The following SRFBP1 variants were observed in gnomAD, a reference collection of about 807,000 sequenced individuals.
SRFBP1 encodes the protein serum response factor-binding protein 1.
SRFBP1 carries 47 observed loss-of-function variants against 45.5 expected under a neutral mutation model. The ratio of observed to expected loss-of-function variants is 1.03; its 90% CI spans 0.82 to 1.32. The LOEUF is 1.32. SRFBP1 is among the 40% of genes most tolerant of loss of function. The pLI, the probability that SRFBP1 is intolerant of heterozygous loss-of-function variation, is 0.00. For synonymous variants in SRFBP1, 203 were observed against 166.3 expected, an observed-to-expected ratio of 1.22 and a Z score of -1.70; for missense variants, 621 against 484.6, an observed-to-expected ratio of 1.28 and a Z score of -2.64.
chr5:122,041,368 A>G (rs1344104864), intron 2 of SRFBP1, among the ~76,000 whole-genome samples: 1 of 152,156 alleles, frequency 6.6e-6, no homozygotes, highest in African/African-American at 2.4e-5. Flanking sequence ...AGCAATCAGT[A>G]TAGGTATTTG....
chr5:122,008,862 A>G (rs928282078), intron 4 of SRFBP1, among the ~76,000 whole-genome samples: 8 of 152,218 alleles, frequency 5.3e-5, no homozygotes, highest in African/African-American at 1.9e-4. Flanking sequence ...ATAAAATATT[A>G]TAATAAAATA....
intron 4 of SRFBP1, among the ~76,000 whole-genome samples, chr5:122,013,820 T>G (rs1188064202): frequency 6.6e-6 from 1 of 152,130 alleles, no homozygotes. Flanking sequence ...TAAATCTCAC[T>G]TGTATGTGGA....
At chr5:122,063,659 A>G (rs771590522) in intron 2 of SRFBP1, 4 of 151,926 alleles carry the variant, frequency 2.6e-5, no homozygotes, top group African/African-American at 7.2e-5. Context: ...TAGAAAAAAG[A>G]GTACTTTTTA....
chr5:121,998,267 A>G (rs1752775237), intron 4 of SRFBP1, among the ~76,000 whole-genome samples: 1 of 151,780 alleles, frequency 6.6e-6, no homozygotes, highest in East Asian at 1.9e-4. Flanking sequence ...AACCAACCCA[A>G]ATGTCCAACA....
At chr5:122,023,192 A>G (rs912683232) in intron 7 of SRFBP1, among the ~76,000 whole-genome samples, 1 of 152,212 alleles carries the variant, frequency 6.6e-6, no homozygotes, top group Non-Finnish European at 1.5e-5. Flanking sequence ...TCTAGGAGAA[A>G]AGAGGAAGTG....
intron 3 of SRFBP1, among the ~76,000 whole-genome samples, chr5:121,977,696 T>G (rs1419491705): frequency 1.3e-5 from 2 of 152,162 alleles, no homozygotes; most frequent in African/African-American, 4.8e-5. Flanking sequence ...TTCATTTTTA[T>G]AGTCTTATTG....
intron 3 of SRFBP1, among the ~76,000 whole-genome samples, chr5:121,977,048 T>C (rs746602361): frequency 7.9e-5 from 12 of 152,034 alleles, no homozygotes; most frequent in Non-Finnish European, 1.5e-4. Context: ...GTTGTCCTTT[T>C]TGATCTAAAT....
At chr5:122,037,976 A>C (rs866481484) in intron 2 of SRFBP1, among the ~76,000 whole-genome samples, 7 of 152,180 alleles carry the variant, frequency 4.6e-5, no homozygotes, top group African/African-American at 9.7e-5. Flanking sequence ...CTTAATCCTT[A>C]AGTGGAATGT....
chr5:122,066,464 T>A (rs1754300887), intron 2 of SRFBP1: 1 of 350,126 alleles, frequency 2.9e-6, no homozygotes, highest in African/African-American at 2.1e-5. Context: ...AAATTTGGAT[T>A]TCTTTGAAAG....
chr5:121,973,524 C>T (rs1042372200), intron 1 of SRFBP1, among the ~76,000 whole-genome samples: 13 of 150,170 alleles, frequency 8.7e-5, no homozygotes, highest in African/African-American at 2.9e-4. Flanking sequence ...CATTTTTTGG[C>T]CTATAGCTCT....
chr5:122,044,837 T>C (rs1753830318), intron 2 of SRFBP1, among the ~76,000 whole-genome samples: 1 of 152,192 alleles, frequency 6.6e-6, no homozygotes, highest in Non-Finnish European at 1.5e-5. Flanking sequence ...TAGTTTCTTT[T>C]GCTGTGCAAA....
intron 2 of SRFBP1, among the ~76,000 whole-genome samples, chr5:122,036,377 C>A (rs1050419006): frequency 6.6e-6 from 1 of 152,042 alleles, no homozygotes. Context: ...GGTGAGCATC[C>A]TAGTTGGCAA....
At chr5:121,995,932 C>T (rs921189560) in intron 4 of SRFBP1, among the ~76,000 whole-genome samples, 11 of 152,102 alleles carry the variant, frequency 7.2e-5, no homozygotes, top group African/African-American at 1.9e-4. Flanking sequence ...ATAAATTCCT[C>T]GACACATACA....
chr5:121,991,887 T>C (rs1051895448), intron 3 of SRFBP1, among the ~76,000 whole-genome samples: 4 of 152,150 alleles, frequency 2.6e-5, no homozygotes, highest in African/African-American at 9.7e-5. Flanking sequence ...AATACCGAAG[T>C]ATAAATGGTA....
intron 1 of SRFBP1, among the ~76,000 whole-genome samples, chr5:121,971,340 T>G (rs543694967): frequency 6.6e-6 from 1 of 151,940 alleles, no homozygotes; most frequent in African/African-American, 2.4e-5. Context: ...TTAAGATTAA[T>G]AGGACTTGGA....
At chr5:122,026,815 T>C in intron 7 of SRFBP1, 127 bp from the exon 8 acceptor site, 1 of 640,598 alleles carries the variant, frequency 1.6e-6, no homozygotes, top group Non-Finnish European at 2.5e-6. Flanking sequence ...CAGTTTTAAA[T>C]TGTGAAATAT....
intron 2 of SRFBP1, among the ~76,000 whole-genome samples, chr5:122,045,634 G>T (rs886277816): frequency 6.6e-6 from 1 of 152,074 alleles, no homozygotes; most frequent in Non-Finnish European, 1.5e-5. Context: ...ATGGGATTCT[G>T]TTCCTGATTT....
At chr5:122,077,416 A>G (rs1445924381), downstream of SRFBP1, 2 of 1,613,976 alleles carry the variant, frequency 1.2e-6, no homozygotes, top group East Asian at 2.2e-5. This position sits in a 1 kb window ranked among gnomAD's most constrained non-coding sequence, Gnocchi z 4.9. Context: ...TGGGCCTTTC[A>G]TAAGTATCGT....
chr5:122,077,277 C>T, downstream of SRFBP1: 2 of 1,588,650 alleles, frequency 1.3e-6, no homozygotes. This position sits in a 1 kb window ranked among gnomAD's most constrained non-coding sequence, Gnocchi z 4.9. Context: ...GCCCGCCGCG[C>T]CCAGGCAGCC....
Sources: allele counts gnomAD v4.1 joint callset (sites outside exome capture counted in the v4.1 genomes callset), GRCh38; gene constraint gnomAD v4.1.1; non-coding constraint Gnocchi (gnomAD v3.1); transcripts MANE v1.5; gene names NCBI Gene and HGNC (gene_info 2026-07-23, HGNC 2026-07-21).